The following UBE2H variants were observed in gnomAD, a reference collection of about 807,000 sequenced individuals.
The protein encoded by UBE2H is ubiquitin-conjugating enzyme E2 H.
UBE2H carries 3 observed loss-of-function variants against 29.0 expected under a neutral mutation model. That is an observed-to-expected ratio of 0.10 (90% CI 0.05 to 0.27). The LOEUF (loss-of-function observed/expected upper bound fraction) is 0.27. UBE2H is among the 10% of genes least tolerant of loss of function. The pLI, the probability that UBE2H is intolerant of heterozygous loss-of-function variation, is 1.00. For missense variants in UBE2H, 68 were observed against 228.2 expected (o/e 0.30, Z 4.52); for synonymous variants, 69 against 82.9 (o/e 0.83, Z 0.91).
At chr7:129,935,746 T>C (rs1382257109) in intron 1 of UBE2H, among the ~76,000 whole-genome samples, 2 of 152,196 alleles carry the variant, frequency 1.3e-5, no homozygotes, top group Non-Finnish European at 2.9e-5. Context: ...ATTCTATTTT[T>C]CACACAACAA....
chr7:129,839,856 C>T lies in UBE2H; in HGVS notation c.299-521G>A, dbSNP rs754451273. Reference sequence around the variant, plus strand: ...TCCCAAGTAGCTGGCACTACAGGCACCTGCCACCATGCCTGGCTAATTTTT... The same window carrying T: ...TCCCAAGTAGCTGGCACTACAGGCATCTGCCACCATGCCTGGCTAATTTTT... On this transcript the variant is annotated intron_variant, in intron 5 of 6. Transcript: ENST00000355621. 4.4e-5 allele frequency: 7 copies of T among 159,620 alleles called. No homozygotes were observed. In the East Asian group the frequency reaches 9.5e-4, roughly 22 times the overall value. 9.9% of individuals were successfully genotyped at this position (159,620 alleles called of 1,614,324 possible).
chr7:129,905,668 C>T (rs1012251481), intron 1 of UBE2H, among the ~76,000 whole-genome samples: 8 of 152,132 alleles, frequency 5.3e-5, no homozygotes, highest in Non-Finnish European at 8.8e-5. Context: ...CTCACAGACA[C>T]AGAAAGAGAA....
rs892799175 is a variant in UBE2H at position 129,866,069 on chromosome 7, G to A, written c.206-7128C>T. On this transcript the variant is annotated intron_variant, in intron 3 of 6. Transcript: ENST00000355621. Reference sequence around the variant, plus strand: ...GCCCCACCTGAGGCAGCCTGTGCCCGGGTAGAAATCTCTTCAGAAATCTGA... The same window carrying A: ...GCCCCACCTGAGGCAGCCTGTGCCCAGGTAGAAATCTCTTCAGAAATCTGA... 3.9e-5 allele frequency among the ~76,000 whole-genome samples: 6 copies of A among 152,202 alleles called. No individual in the cohort carries two copies. In the South Asian group the frequency reaches 8.3e-4, roughly 21 times the overall value.
intron 3 of UBE2H, among the ~76,000 whole-genome samples, chr7:129,866,801 G>T (rs1805912412): frequency 6.6e-6 from 1 of 152,094 alleles, no homozygotes. Context: ...TGAGCCTCTG[G>T]GGCAATCTAC....
At chr7:129,858,821 C>T (rs12532959) in intron 4 of UBE2H, 81 bp downstream of exon 4, 105,430 of 1,358,906 alleles carry the variant, frequency 0.078, 4,675 homozygotes, top group Non-Finnish European at 0.092. Context: ...AAAAAGATAA[C>T]CGAGGCTTTT....
At chr7:129,914,153 C>T (rs1806997005) in intron 1 of UBE2H, among the ~76,000 whole-genome samples, 1 of 151,908 alleles carries the variant, frequency 6.6e-6, no homozygotes, top group South Asian at 2.1e-4. Flanking sequence ...AAGTTCCCAA[C>T]AGCCACCTCA....
chr7:129,864,249 G>C (rs984110119), intron 3 of UBE2H, among the ~76,000 whole-genome samples: 3 of 152,314 alleles, frequency 2.0e-5, no homozygotes, highest in East Asian at 3.9e-4. Flanking sequence ...TGGACAAGGA[G>C]GGGGGAGACA....
intron 1 of UBE2H, among the ~76,000 whole-genome samples, chr7:129,914,037 T>A (rs768441481): frequency 6.6e-6 from 1 of 152,206 alleles, no homozygotes; most frequent in Non-Finnish European, 1.5e-5. Context: ...CAGATTGGTG[T>A]CAGCAGCTTA....
At chr7:129,926,503 C>T (rs1329632070) in intron 1 of UBE2H, among the ~76,000 whole-genome samples, 3 of 145,546 alleles carry the variant, frequency 2.1e-5, no homozygotes, top group South Asian at 2.2e-4. Flanking sequence ...AGCTAAACTC[C>T]GTCTCAAAAA....
chr7:129,906,432 T>C (rs1806818809), intron 1 of UBE2H, among the ~76,000 whole-genome samples: 1 of 152,100 alleles, frequency 6.6e-6, no homozygotes, highest in African/African-American at 2.4e-5. Context: ...CTCGAACTCC[T>C]GGCCTCATGT....
chr7:129,879,505 T>C (rs1177954376), intron 3 of UBE2H, 63 bp downstream of exon 3: 1 of 1,473,950 alleles, frequency 6.8e-7, no homozygotes, highest in South Asian at 1.2e-5. Flanking sequence ...TCCCCTGAAA[T>C]GTAAGATTTT....
intron 1 of UBE2H, among the ~76,000 whole-genome samples, chr7:129,914,145 G>C (rs1806996936): frequency 1.3e-5 from 2 of 151,934 alleles, no homozygotes; most frequent in African/African-American, 2.4e-5. Flanking sequence ...AACGTATCAA[G>C]TTCCCAACAG....
In UBE2H at chr7:129,832,601, G is replaced by A. The variant is rs1243207445; in HGVS notation, c.*2336C>T. On this transcript the variant is annotated 3_prime_UTR_variant, in exon 7 of 7. Transcript: ENST00000355621. ...TGCATCTTCCGCTCTCTGGTGCTGG[G>A]GCTCTGGTCAGAGGCGAGCCAATGT... 1 of 152,122 alleles carries A rather than the reference G, an allele frequency of 6.6e-6. No homozygotes were observed. The highest frequency in any genetic ancestry group is 2.4e-5 in the African/African-American group (1 of 41,400). 9.4% of individuals were successfully genotyped at this position (152,122 alleles called of 1,614,324 possible).
intron 1 of UBE2H, among the ~76,000 whole-genome samples, chr7:129,947,938 C>G (rs1399924333): frequency 1.3e-5 from 2 of 152,008 alleles, no homozygotes; most frequent in Non-Finnish European, 1.5e-5. Flanking sequence ...CCACAACCTC[C>G]GCCTCATGGG....
intron 1 of UBE2H, among the ~76,000 whole-genome samples, chr7:129,913,071 T>C (rs181464228): frequency 1.1e-3 from 170 of 152,060 alleles, no homozygotes; most frequent in African/African-American, 3.7e-3. Context: ...GCCAACATAG[T>C]GAAACCTCGT....
intron 1 of UBE2H, among the ~76,000 whole-genome samples, chr7:129,884,415 TCA>T (rs1563033626): frequency 4.0e-5 from 5 of 126,056 alleles, no homozygotes; most frequent in Non-Finnish European, 5.1e-5. Flanking sequence ...AGACTCCATC[TCA>T]AAAAAAAAAA....
rs189472229 is a variant in UBE2H at position 129,838,518 on chromosome 7, C to T, written c.427+689G>A. Among the ~76,000 whole-genome samples the T allele has an allele frequency of 2.0e-5, 3 of 152,292 alleles. No individual in the cohort carries two copies. In the East Asian group the frequency reaches 5.8e-4, roughly 29 times the overall value. On this transcript the variant is annotated intron_variant, in intron 6 of 6. Transcript: ENST00000355621. The stretch of plus-strand genomic sequence containing the variant: ...TTGGTTAAAAGCAGCAGGTATATTT[C>T]ACAAACTTTGAATTCCTTTGCTTCT...
chr7:129,843,254 C>A (rs1584738519), intron 5 of UBE2H, among the ~76,000 whole-genome samples: 1 of 152,146 alleles, frequency 6.6e-6, no homozygotes, highest in East Asian at 1.9e-4. Flanking sequence ...CCGCCTCGGC[C>A]TCCCAAAGTG....
chr7:129,920,848 C>CAAAAAAAAAAAAAAAAAAAAAACA (rs11347186), intron 1 of UBE2H, among the ~76,000 whole-genome samples: 1 of 73,998 alleles, frequency 1.4e-5, no homozygotes, highest in Non-Finnish European at 2.6e-5. Flanking sequence ...TAGAAAAAGT[C>CAAAAAAAAAAAAAAAAAAAAAACA]AAAAAAAAAA....
Sources: gnomAD v4.1 joint callset for allele counts (sites outside exome capture counted in the v4.1 genomes callset) on GRCh38, gnomAD v4.1.1 for gene constraint, MANE v1.5 for transcripts, NCBI Gene and HGNC (gene_info 2026-07-23, HGNC 2026-07-21) for gene names.